Variants in TENM2 observed in about 807,000 individuals in gnomAD.
TENM2 encodes the protein teneurin transmembrane protein 2.
In TENM2, 52 loss-of-function variants were observed where a neutral mutation model predicts 245.2. The ratio of observed to expected loss-of-function variants is 0.21; its 90% confidence interval spans 0.17 to 0.27. The LOEUF (loss-of-function observed/expected upper bound fraction) is 0.27. Ranked by LOEUF, TENM2 falls within the 10% of genes least tolerant of loss-of-function variation. The pLI, the probability that TENM2 is intolerant of heterozygous loss-of-function variation, is 1.00. For missense variants in TENM2, 3,046 were observed against 3,666.8 expected (o/e 0.83, Z 4.37); for synonymous variants, 1,363 against 1,438.9 (o/e 0.95, Z 1.19).
chr5:168,197,002 G>C (rs1219478149), intron 15 of TENM2, among the ~76,000 whole-genome samples: 1 of 152,174 alleles, frequency 6.6e-6, no homozygotes. Context: ...ACGTGCTTGA[G>C]AATGCTCTGA....
chr5:167,160,526 T>C, the TENM2 span, among the ~76,000 whole-genome samples: 6 of 152,262 alleles, frequency 3.9e-5, no homozygotes, highest in Non-Finnish European at 7.3e-5. Flanking sequence ...GGCCTCTGCA[T>C]TTGCTTTTTC....
At chr5:167,224,010 G>T in the TENM2 span, among the ~76,000 whole-genome samples, 1 of 152,062 alleles carries the variant, frequency 6.6e-6, no homozygotes, top group African/African-American at 2.4e-5. Flanking sequence ...TGTCTATCAT[G>T]TTCTTTGCCC....
At chr5:167,824,132 C>T (rs1767767649) in intron 2 of TENM2, among the ~76,000 whole-genome samples, 1 of 152,190 alleles carries the variant, frequency 6.6e-6, no homozygotes, top group Non-Finnish European at 1.5e-5. Context: ...TCCTTCATGA[C>T]CACCATCCTA....
chr5:167,858,590 G>T (rs1771305778), intron 2 of TENM2, among the ~76,000 whole-genome samples: 2 of 151,928 alleles, frequency 1.3e-5, no homozygotes, highest in African/African-American at 4.8e-5. Context: ...TAGGGAGCCC[G>T]TCCGGCCATG....
the TENM2 span, among the ~76,000 whole-genome samples, chr5:167,205,678 G>T: frequency 6.6e-6 from 1 of 152,198 alleles, no homozygotes; most frequent in Admixed American, 6.5e-5. Flanking sequence ...GTCTACTGAT[G>T]ATATCAGGGT....
Position 167,394,561 on chromosome 5 carries a change from A to C in TENM2, c.502+19088A>C, listed in dbSNP as rs993667355. On this transcript the variant is annotated intron_variant, in intron 2 of 28. Coordinates refer to ENST00000518659, the Ensembl canonical transcript of TENM2. ...ACACATAGACTTATAAATAAATATAAATAAATGTATGTATGTATTTATTTA... is the reference window on the plus strand; with the variant it reads ...ACACATAGACTTATAAATAAATATACATAAATGTATGTATGTATTTATTTA... Among the ~76,000 whole-genome samples the C allele has an allele frequency of 2.8e-4, 42 of 152,158 alleles. 1 individual carries two copies. Among genetic ancestry groups the C allele is most frequent in the Admixed American group, 2.4e-3 (37 of 15,278 alleles).
At chr5:167,945,694 C>T (rs997110269) in intron 3 of TENM2, among the ~76,000 whole-genome samples, 3 of 152,180 alleles carry the variant, frequency 2.0e-5, no homozygotes, top group Admixed American at 6.5e-5. Context: ...CGAATGCATT[C>T]GGAATGTTTT....
At chr5:168,254,754 A>C (rs538308045) in intron 27 of TENM2, among the ~76,000 whole-genome samples, 1 of 152,158 alleles carries the variant, frequency 6.6e-6, no homozygotes, top group Non-Finnish European at 1.5e-5. Flanking sequence ...TTCTAAAGAC[A>C]AGGCCTTCTC....
intron 5 of TENM2, among the ~76,000 whole-genome samples, chr5:168,029,037 CTT>C (rs1343023074): frequency 6.6e-6 from 1 of 152,106 alleles, no homozygotes; most frequent in Non-Finnish European, 1.5e-5. Context: ...AGAACAGAAA[CTT>C]ATTTCTTGGG....
chr5:168,218,481 C>T lies in TENM2; in HGVS notation c.4590C>T (p.Cys1530=), dbSNP rs755399807. The stretch of plus-strand genomic sequence containing the variant: ...GCAAAAACGATGTCAATTGCAACTG[C>T]TATTCAGGAGATGATGCCTACGCGA... Residue 1530 remains cysteine, a synonymous_variant, in exon 23 of 29, where the codon TGC becomes TGT. Transcript: ENST00000518659. This position sits in a 1 kb window ranked among gnomAD's most constrained non-coding sequence, Gnocchi z 5.2. The T allele has an allele frequency of 6.8e-6, 11 of 1,613,942 alleles. No individual in the cohort carries two copies.
the TENM2 span, among the ~76,000 whole-genome samples, chr5:167,178,896 G>A: frequency 1.3e-5 from 2 of 152,082 alleles, no homozygotes; most frequent in African/African-American, 4.8e-5. Context: ...ACTTTTTCTT[G>A]TTACCTTAAG....
At chr5:167,288,991 T>C (rs986593980) in intron 1 of TENM2, among the ~76,000 whole-genome samples, 6 of 152,254 alleles carry the variant, frequency 3.9e-5, no homozygotes, top group Non-Finnish European at 7.3e-5. Flanking sequence ...GTTAACAGTA[T>C]TGATTGAACA....
the TENM2 span, among the ~76,000 whole-genome samples, chr5:167,063,400 G>A: frequency 3.9e-5 from 6 of 152,198 alleles, no homozygotes; most frequent in African/African-American, 1.4e-4. Context: ...TAACGAGGAA[G>A]TTTTAAAATT....
chr5:167,489,801 C>T (rs1254844194), intron 2 of TENM2, among the ~76,000 whole-genome samples: 2 of 152,104 alleles, frequency 1.3e-5, no homozygotes, highest in Non-Finnish European at 2.9e-5. Context: ...GTTATGTTGA[C>T]ATGATTTTTA....
intron 9 of TENM2, among the ~76,000 whole-genome samples, chr5:168,102,802 C>T (rs1360833742): frequency 6.6e-6 from 1 of 152,188 alleles, no homozygotes; most frequent in Non-Finnish European, 1.5e-5. Context: ...CTTTTAAGTA[C>T]TCAATATGCA....
chr5:167,895,164 A>C (rs1775118057), intron 3 of TENM2, among the ~76,000 whole-genome samples: 1 of 152,130 alleles, frequency 6.6e-6, no homozygotes, highest in Non-Finnish European at 1.5e-5. Flanking sequence ...TTTACTTCTC[A>C]AAGTTATTTG....
chr5:167,183,920 C>T, the TENM2 span, among the ~76,000 whole-genome samples: 8 of 152,294 alleles, frequency 5.3e-5, no homozygotes, highest in South Asian at 1.7e-3. Context: ...TATACATTAA[C>T]AGTAATTTTG....
chr5:167,218,256 C>G, the TENM2 span, among the ~76,000 whole-genome samples: 1 of 152,032 alleles, frequency 6.6e-6, no homozygotes, highest in Non-Finnish European at 1.5e-5. Flanking sequence ...TGATTGTTGT[C>G]TTAAAATCTG....
chr5:167,900,659 G>C (rs1775626469), intron 3 of TENM2, among the ~76,000 whole-genome samples: 2 of 152,178 alleles, frequency 1.3e-5, no homozygotes. Context: ...TGGAGGATTG[G>C]CCTTGTTTTC....
Sources: allele counts gnomAD v4.1 joint callset (sites outside exome capture counted in the v4.1 genomes callset), GRCh38; gene constraint gnomAD v4.1.1; non-coding constraint Gnocchi (gnomAD v3.1); transcripts MANE v1.5; gene names NCBI Gene and HGNC (gene_info 2026-07-23, HGNC 2026-07-21).